Variants in COPS5 observed in about 807,000 individuals in gnomAD.
COPS5 encodes COP9 signalosome subunit 5, also known as COP9 signalosome complex subunit 5.
In COPS5, 8 loss-of-function variants were observed where a neutral mutation model predicts 44.4. The ratio of observed to expected loss-of-function variants is 0.18; its 90% CI spans 0.11 to 0.32. The LOEUF is 0.32. Ranked by LOEUF, COPS5 falls within the 10% of genes least tolerant of loss-of-function variation. The probability of loss-of-function intolerance (pLI) is 1.00; values close to 1 mark genes in which losing one functional copy is unlikely to be tolerated. For missense variants in COPS5, 159 were observed against 406.4 expected, an observed-to-expected ratio of 0.39 and a Z score of 5.23; for synonymous variants, 122 against 142.8, an observed-to-expected ratio of 0.85 and a Z score of 1.04.
intron 1 of COPS5, chr8:67,060,526 A>G: frequency 7.8e-7 from 1 of 1,289,148 alleles, no homozygotes; most frequent in South Asian, 1.2e-5. Context: ...CATGAATCGA[A>G]ATCTTGGCTT....
chr8:67,057,956 C>A, intron 3 of COPS5, 127 bp downstream of exon 3: 1 of 949,390 alleles, frequency 1.1e-6, no homozygotes, highest in South Asian at 1.7e-5. Context: ...AGATGGAATT[C>A]ACATTGAAAC....
At chr8:67,052,307 A>C (rs971667049) in intron 5 of COPS5, among the ~76,000 whole-genome samples, 2 of 152,104 alleles carry the variant, frequency 1.3e-5, no homozygotes, top group African/African-American at 4.8e-5. Context: ...GTAAGAGATA[A>C]TAAGGCAATG....
chr8:67,043,802 T>A (rs565126821), intron 7 of COPS5: 1 of 152,214 alleles, frequency 6.6e-6, no homozygotes, highest in Admixed American at 6.6e-5. Flanking sequence ...GCAAAAGAAA[T>A]GACAAAACCC....
chr8:67,057,466 A>C (rs1248088894), intron 3 of COPS5, 21 bp from the exon 4 acceptor site: 1 of 1,511,808 alleles, frequency 6.6e-7, no homozygotes, highest in Non-Finnish European at 9.1e-7. Context: ...GATATATTTA[A>C]TATCTGCTGA....
intron 6 of COPS5, among the ~76,000 whole-genome samples, chr8:67,050,594 T>C (rs1804391371): frequency 6.8e-6 from 1 of 146,004 alleles, no homozygotes; most frequent in South Asian, 2.2e-4. Flanking sequence ...TATCTTGACC[T>C]GGAAATATGT....
chr8:67,058,067 G>C lies in COPS5; in HGVS notation c.507+16C>G, dbSNP rs1383278655. On this transcript the variant is annotated intron_variant, in intron 3 of 7. Coordinates refer to ENST00000357849, the MANE Select transcript of COPS5 (RefSeq NM_006837.3). ...CTTCATAAAGAACTTAATTAAACTG[G>C]TTTTAAAATTCTTACCACCACTGCT... The C allele has an allele frequency of 1.2e-6, 2 of 1,612,202 alleles. No individual in the cohort carries two copies. Among genetic ancestry groups the C allele is most frequent in the Non-Finnish European group, 1.7e-6 (2 of 1,178,548 alleles).
chr8:67,047,992 G>T, intron 6 of COPS5: 1 of 675,406 alleles, frequency 1.5e-6, no homozygotes, highest in South Asian at 1.6e-5. Context: ...AATAAGAACA[G>T]ATACTGGGCG....
At chr8:67,046,417 C>T (rs1480845677) in intron 6 of COPS5, among the ~76,000 whole-genome samples, 1 of 152,126 alleles carries the variant, frequency 6.6e-6, no homozygotes. Context: ...GTTTTTGGGA[C>T]TGTTCATGAC....
intron 2 of COPS5, 143 bp from the exon 3 acceptor site, chr8:67,058,354 G>A: frequency 1.5e-6 from 1 of 684,520 alleles, no homozygotes; most frequent in Non-Finnish European, 2.5e-6. Context: ...AAATCTATGG[G>A]CAATTGCTTA....
At chr8:67,046,021 T>C in intron 6 of COPS5, 61 bp from the exon 7 acceptor site, 2 of 1,462,388 alleles carry the variant, frequency 1.4e-6, no homozygotes, top group Non-Finnish European at 9.4e-7. Flanking sequence ...AAAATCTGTA[T>C]ATTTTAATGT....
chr8:67,060,932 TGA>T (rs1382235891), intron 1 of COPS5: 1 of 166,418 alleles, frequency 6.0e-6, no homozygotes, highest in Non-Finnish European at 1.3e-5. Flanking sequence ...ATCTGAATAC[TGA>T]GAGACAAGGC....
intron 2 of COPS5, among the ~76,000 whole-genome samples, chr8:67,058,966 T>C (rs1046374691): frequency 6.6e-6 from 1 of 150,416 alleles, no homozygotes; most frequent in African/African-American, 2.5e-5. Context: ...ATCACGCCAC[T>C]GCACTCCAGC....
In COPS5 at chr8:67,056,581, T is replaced by C; in HGVS notation, c.597A>G (p.Gly199=). ...YPKGYKPPDE[G]PSEYQTIPLN... ...GTGGAATAGTCTGGTACTCAGAAGG[T>C]CCTTCATCAGGAGGTTTGTAGCCCT... The change falls in exon 5 of 8, where the codon GGA becomes GGG. Residue 199 remains glycine (G), a synonymous_variant. Transcript: ENST00000357849. 1 of 1,434,742 alleles carries C rather than the reference T, an allele frequency of 7.0e-7. No individual in the cohort carries two copies. The allele number at this position is 1,434,742 out of a possible 1,614,324, so 88.9% of individuals were successfully genotyped here.
intron 5 of COPS5, among the ~76,000 whole-genome samples, chr8:67,053,154 A>G (rs1197252820): frequency 1.3e-5 from 2 of 151,930 alleles, no homozygotes; most frequent in East Asian, 3.9e-4. Context: ...CAGTTGTGCT[A>G]TCTGGGCTCA....
At chr8:67,050,016 TTTGAGACGGAGTCTCACTC>T in intron 6 of COPS5, among the ~76,000 whole-genome samples, 1 of 151,828 alleles carries the variant, frequency 6.6e-6, no homozygotes, top group Middle Eastern at 3.4e-3. Context: ...TTTTTTTTTT[TTTGAGACGGAGTCTCACTC>T]TTTCACCTAG....
chr8:67,061,427 T>TA lies in COPS5; in HGVS notation c.143+426dup, dbSNP rs544829583. ...CAACACAGCGAGGACCCATTTCTAT[T>TA]AAAAAAAAAAGAAAAGAAAATAGCT... On this transcript the variant is annotated intron_variant, in intron 1 of 7. Coordinates refer to ENST00000357849, the MANE Select transcript of COPS5 (RefSeq NM_006837.3). 6.6e-3 allele frequency: 2,535 copies of TA among 381,806 alleles called. 4 individuals are homozygous for TA. The highest frequency in any genetic ancestry group is 9.4e-3 in the Middle Eastern group (26 of 2,758). The allele number at this position is 381,806 out of a possible 1,614,324, so 23.7% of individuals were successfully genotyped here. A position where few individuals can be genotyped will look rare whatever the true frequency, so the allele number is the denominator to read the frequency against.
intron 4 of COPS5, among the ~76,000 whole-genome samples, 170 bp from the exon 5 acceptor site, chr8:67,056,774 C>T (rs1215440031): frequency 2.9e-5 from 4 of 139,986 alleles, no homozygotes; most frequent in Non-Finnish European, 6.0e-5. Context: ...CTTTCGGAGG[C>T]AAATATTTAA....
chr8:67,046,824 C>CAAAAAAAA (rs771868140), intron 6 of COPS5, among the ~76,000 whole-genome samples: 21 of 43,700 alleles, frequency 4.8e-4, no homozygotes, highest in East Asian at 6.9e-4. Context: ...ACTCTGTCTC[C>CAAAAAAAA]AAAAAAAAAA....
At chr8:67,050,638 T>TGC (rs1804393411) in intron 6 of COPS5, among the ~76,000 whole-genome samples, 1 of 151,700 alleles carries the variant, frequency 6.6e-6, no homozygotes, top group Non-Finnish European at 1.5e-5. Flanking sequence ...TGTGTGTGTG[T>TGC]GTGTATCTTG....
Sources: gnomAD v4.1 joint callset for allele counts (sites outside exome capture counted in the v4.1 genomes callset) on GRCh38, gnomAD v4.1.1 for gene constraint, MANE v1.5 for transcripts, NCBI Gene and HGNC (gene_info 2026-07-23, HGNC 2026-07-21) for gene names.